The following ANO2 variants were observed in gnomAD, a reference collection of about 807,000 sequenced individuals.
ANO2 encodes anoctamin 2, also known as anoctamin-2.
ANO2 carries 101 observed loss-of-function variants against 124.2 expected under a neutral mutation model. The observed-to-expected ratio is 0.81, with a 90% CI of 0.69 to 0.96. ANO2 has a LOEUF of 0.96. ANO2 is among the 40% of genes least tolerant of loss of function. The pLI is 0.00. For missense variants in ANO2, 1,293 were observed against 1,274.5 expected (o/e 1.01, Z -0.22); for synonymous variants, 486 against 482.5 (o/e 1.01, Z -0.09).
At chr12:5,609,785 G>A (rs1591726061) in intron 19 of ANO2, among the ~76,000 whole-genome samples, 2 of 151,532 alleles carry the variant, frequency 1.3e-5, no homozygotes, top group Admixed American at 6.6e-5. Context: ...AGCTCATTGG[G>A]CCTTACCTTC....
chr12:5,759,789 T>C (rs1399536569), intron 10 of ANO2, among the ~76,000 whole-genome samples: 2 of 151,742 alleles, frequency 1.3e-5, no homozygotes, highest in East Asian at 1.9e-4. Flanking sequence ...GAAAAAAAAC[T>C]ATTAACTTAG....
intron 16 of ANO2, among the ~76,000 whole-genome samples, chr12:5,630,206 C>T (rs1945644614): frequency 6.6e-6 from 1 of 152,176 alleles, no homozygotes; most frequent in Admixed American, 6.5e-5. Flanking sequence ...CTCACAGCCT[C>T]CTCAACTATC....
Position 5,599,480 on chromosome 12 carries a change from T to G in ANO2, c.2233+4A>C, listed in dbSNP as rs1300856680. 7 of 1,601,610 alleles carry G rather than the reference T, an allele frequency of 4.4e-6. No homozygotes were observed. ...CAGTGGAAGGCAGGACCATGGGTTC[T>G]CACTCATTTCCATGTACTCCGGAGT... On this transcript the variant is annotated splice_donor_region_variant and intron_variant, in intron 20 of 24. Transcript: ENST00000682330.
chr12:5,816,324 A>ATTTTTTTTTTTTTT (rs66927312), intron 7 of ANO2, among the ~76,000 whole-genome samples: 1 of 150,446 alleles, frequency 6.6e-6, no homozygotes, highest in Non-Finnish European at 1.5e-5. Flanking sequence ...CACATTCCTC[A>ATTTTTTTTTTTTTT]TTTTTTTTTT....
rs1257100554 is a variant in ANO2, at chr12:5,744,446, G to T, written c.1191-129C>A. 4 of 983,302 alleles carry T rather than the reference G, an allele frequency of 4.1e-6. No homozygotes were observed. The African/African-American group carries it at 4.9e-5, about 12-fold the overall frequency. The allele number at this position is 983,302 out of a possible 1,614,324, so 60.9% of individuals were successfully genotyped here. A position where few individuals can be genotyped will look rare whatever the true frequency, so the allele number is the denominator to read the frequency against. ...TTTTTCAACTCCATAAGTAAGGAAT[G>T]TTAAAGAAGTTAGCATTGTATTCTT... On this transcript the variant is annotated intron_variant, in intron 11 of 24. Transcript: ENST00000682330.
intron 16 of ANO2, among the ~76,000 whole-genome samples, chr12:5,617,664 C>G (rs962655833): frequency 6.6e-5 from 10 of 151,948 alleles, no homozygotes; most frequent in Non-Finnish European, 1.0e-4. Context: ...CCACCTTCTC[C>G]AGATTACGTC....
At chr12:5,824,804 A>C (rs944165638) in intron 7 of ANO2, among the ~76,000 whole-genome samples, 5 of 152,204 alleles carry the variant, frequency 3.3e-5, no homozygotes, top group Non-Finnish European at 7.3e-5. Flanking sequence ...TTACAGTTAC[A>C]CATGGCTGGG....
chr12:5,626,383 T>C (rs1351242023), intron 16 of ANO2, among the ~76,000 whole-genome samples: 1 of 152,132 alleles, frequency 6.6e-6, no homozygotes, highest in African/African-American at 2.4e-5. Context: ...GCCCCTAGAC[T>C]GAGCCCAGCC....
chr12:5,636,905 TGCCCTATGG>T lies in ANO2; in HGVS notation c.1621-1567_1621-1559del, dbSNP rs1946047651. ...GTAGGCTTCAAAAAATACCAGTAAT[TGCCCTATGG>T]GCCGTGTTGTGAAAAAGAAGCCCTT... On this transcript the variant is annotated intron_variant, in intron 15 of 24. Transcript: ENST00000682330. The surrounding 1 kb of genome is among the most constrained non-coding windows in gnomAD (Gnocchi z 4.6). Among the ~76,000 whole-genome samples the T allele has an allele frequency of 6.6e-6, 1 of 152,064 alleles. No individual in the cohort carries two copies. Among genetic ancestry groups the T allele is most frequent in the Non-Finnish European group, 1.5e-5 (1 of 68,012 alleles).
At chr12:5,838,161 A>G (rs555257229) in intron 4 of ANO2, among the ~76,000 whole-genome samples, 1 of 152,218 alleles carries the variant, frequency 6.6e-6, no homozygotes, top group Non-Finnish European at 1.5e-5. Context: ...TAGATCTGCT[A>G]GGGCTCACCT....
At chr12:5,695,391 A>C (rs78202014) in intron 14 of ANO2, among the ~76,000 whole-genome samples, 8 of 151,840 alleles carry the variant, frequency 5.3e-5, no homozygotes, top group African/African-American at 1.9e-4. Flanking sequence ...AAAAAAAAAA[A>C]GCACATTCCA....
At chr12:5,761,392 G>A (rs12424582) in intron 10 of ANO2, among the ~76,000 whole-genome samples, 26,038 of 151,986 alleles carry the variant, frequency 0.17, 2,318 homozygotes, top group Middle Eastern at 0.23. Flanking sequence ...ACTTAGCAAG[G>A]GCAAATGGCA....
In ANO2 at chr12:5,583,410, T is replaced by C. The variant is rs527322259; in HGVS notation, c.2234-4892A>G. On this transcript the variant is annotated intron_variant, in intron 20 of 24. Transcript: ENST00000682330. ...GGCTCACGCCTGTAATCCCAGCACT[T>C]TGGGAGGCCGAGGCGGGCGGATCAC... Among the ~76,000 whole-genome samples, 5 of 152,154 alleles carry C rather than the reference T, an allele frequency of 3.3e-5. No individual in the cohort carries two copies. The East Asian group carries it at 5.8e-4, about 18-fold the overall frequency.
intron 4 of ANO2, among the ~76,000 whole-genome samples, chr12:5,839,956 A>G (rs1425268396): frequency 1.3e-5 from 2 of 152,118 alleles, no homozygotes; most frequent in Admixed American, 1.3e-4. Context: ...CTGAGAAGAA[A>G]GTAGGCTGTA....
At chr12:5,922,862 A>G (rs1284011710) in intron 1 of ANO2, 58 bp from the exon 2 acceptor site, 1 of 1,410,880 alleles carries the variant, frequency 7.1e-7, no homozygotes, top group Non-Finnish European at 9.3e-7. Flanking sequence ...AATCCAAGAC[A>G]CTGAGGTACT....
chr12:5,674,899 C>G (rs899545564), intron 14 of ANO2, among the ~76,000 whole-genome samples: 2 of 152,106 alleles, frequency 1.3e-5, no homozygotes, highest in Non-Finnish European at 2.9e-5. Flanking sequence ...ATTTTATCAT[C>G]ATCATTACGG....
At chr12:5,789,311 C>A (rs930538101) in intron 10 of ANO2, among the ~76,000 whole-genome samples, 1 of 152,206 alleles carries the variant, frequency 6.6e-6, no homozygotes, top group South Asian at 2.1e-4. Flanking sequence ...GGAATTGCTG[C>A]CATTTTGTTA....
At chr12:5,845,566 C>CAAAAA (rs11354500) in intron 4 of ANO2, among the ~76,000 whole-genome samples, 1 of 101,424 alleles carries the variant, frequency 9.9e-6, no homozygotes, top group African/African-American at 3.6e-5. Flanking sequence ...GACTACATCT[C>CAAAAA]AAAAAAAAAA....
At chr12:5,596,316 A>T (rs902815437) in intron 20 of ANO2, among the ~76,000 whole-genome samples, 3 of 152,194 alleles carry the variant, frequency 2.0e-5, no homozygotes, top group Non-Finnish European at 1.5e-5. Context: ...TTATGTGATA[A>T]CTTAAAATAT....
Sources: gnomAD v4.1 joint callset for allele counts (sites outside exome capture counted in the v4.1 genomes callset) on GRCh38, gnomAD v4.1.1 for gene constraint, Gnocchi (gnomAD v3.1) non-coding constraint, MANE v1.5 for transcripts, NCBI Gene and HGNC (gene_info 2026-07-23, HGNC 2026-07-21) for gene names.